The following NEDD4L variants were observed in gnomAD, a reference collection of about 807,000 sequenced individuals.
NEDD4L encodes the protein E3 ubiquitin-protein ligase NEDD4-like.
Under a neutral mutation model 148.9 loss-of-function variants are expected in NEDD4L, and 54 were observed. The ratio of observed to expected loss-of-function variants is 0.36; its 90% CI spans 0.29 to 0.45. The LOEUF (loss-of-function observed/expected upper bound fraction) is 0.45. NEDD4L is among the 20% of genes least tolerant of loss of function. NEDD4L has a pLI of 1.00. For missense variants in NEDD4L, 856 were observed against 1,233.8 expected, an observed-to-expected ratio of 0.69 and a Z score of 4.59; for synonymous variants, 433 against 440.7, an observed-to-expected ratio of 0.98 and a Z score of 0.22.
intron 5 of NEDD4L, among the ~76,000 whole-genome samples, chr18:58,312,052 C>T (rs2057760321): frequency 6.6e-6 from 1 of 152,202 alleles, no homozygotes; most frequent in African/African-American, 2.4e-5. Context: ...CGCACAAGCT[C>T]TAAAGGACAC....
At chr18:58,214,302 A>C (rs529373368) in intron 2 of NEDD4L, among the ~76,000 whole-genome samples, 3 of 152,330 alleles carry the variant, frequency 2.0e-5, no homozygotes, top group African/African-American at 7.2e-5. Context: ...CTTTCAACCC[A>C]AGCCCATCCC....
intron 1 of NEDD4L, among the ~76,000 whole-genome samples, chr18:58,141,483 GTTTT>G (rs908057124): frequency 1.3e-5 from 2 of 151,612 alleles, no homozygotes; most frequent in African/African-American, 2.4e-5. Context: ...CAATTTTTGG[GTTTT>G]TTTTGTTTTT....
chr18:58,383,373 G>C, intron 25 of NEDD4L, 54 bp downstream of exon 25: 2 of 998,214 alleles, frequency 2.0e-6, no homozygotes, highest in Admixed American at 4.1e-5. Context: ...ATGCATGTTT[G>C]GTCACTGTCC....
chr18:58,392,921 G>T (rs923305625), intron 30 of NEDD4L, among the ~76,000 whole-genome samples: 5 of 152,138 alleles, frequency 3.3e-5, no homozygotes, highest in African/African-American at 1.2e-4. Flanking sequence ...AATCTTTATG[G>T]CAGCCTTATG....
At chr18:58,202,566 A>G (rs1434697782) in intron 2 of NEDD4L, among the ~76,000 whole-genome samples, 2 of 152,218 alleles carry the variant, frequency 1.3e-5, no homozygotes, top group Non-Finnish European at 2.9e-5. Flanking sequence ...AACAGGGATG[A>G]TGCAGTTCCT....
At chr18:58,122,705 C>A (rs1038219195) in intron 1 of NEDD4L, among the ~76,000 whole-genome samples, 3 of 152,070 alleles carry the variant, frequency 2.0e-5, no homozygotes, top group Non-Finnish European at 4.4e-5. Context: ...GTGGTGTCCA[C>A]CCATCCCACT....
chr18:58,293,826 A>G (rs543528920), intron 5 of NEDD4L, among the ~76,000 whole-genome samples: 1 of 152,190 alleles, frequency 6.6e-6, no homozygotes, highest in East Asian at 1.9e-4. Context: ...GGGCTCAAGC[A>G]ATCCTCCCAC....
chr18:58,277,205 G>T (rs1351549763), intron 5 of NEDD4L, among the ~76,000 whole-genome samples: 1 of 151,298 alleles, frequency 6.6e-6, no homozygotes, highest in Admixed American at 6.6e-5. Context: ...TTTGATCTTT[G>T]TACCCCATGG....
At chr18:58,258,603 A>T (rs1241244671) in intron 5 of NEDD4L, among the ~76,000 whole-genome samples, 1 of 152,244 alleles carries the variant, frequency 6.6e-6, no homozygotes, top group Non-Finnish European at 1.5e-5. Context: ...AAGTTTCTAC[A>T]CATTTGGAGA....
intron 2 of NEDD4L, among the ~76,000 whole-genome samples, chr18:58,201,085 C>T (rs975281772): frequency 6.6e-6 from 1 of 152,206 alleles, no homozygotes; most frequent in African/African-American, 2.4e-5. Context: ...GTAATCCCAG[C>T]ACTTTGGGAG....
intron 1 of NEDD4L, among the ~76,000 whole-genome samples, chr18:58,159,269 C>G (rs1169788131): frequency 6.6e-6 from 1 of 151,704 alleles, no homozygotes; most frequent in Non-Finnish European, 1.5e-5. Flanking sequence ...AGGCAGAGCA[C>G]CGAGGATTTT....
At chr18:58,375,870 C>CT (rs563399864) in intron 24 of NEDD4L, among the ~76,000 whole-genome samples, 221 of 152,170 alleles carry the variant, frequency 1.5e-3, no homozygotes, top group African/African-American at 5.2e-3. Flanking sequence ...GTCTTGGTGG[C>CT]TTTTTTTAAA....
At chr18:58,213,756 TG>T (rs1385811446) in intron 2 of NEDD4L, among the ~76,000 whole-genome samples, 10 of 152,052 alleles carry the variant, frequency 6.6e-5, no homozygotes, top group African/African-American at 1.9e-4. Flanking sequence ...TTGTTGTTGT[TG>T]TTTTTTTTTT....
intron 1 of NEDD4L, among the ~76,000 whole-genome samples, chr18:58,145,111 G>C (rs2033965478): frequency 6.6e-6 from 1 of 152,118 alleles, no homozygotes; most frequent in African/African-American, 2.4e-5. Flanking sequence ...GACGACATCG[G>C]ACCCCACTGC....
chr18:58,316,081 T>A (rs763242448), intron 6 of NEDD4L, 49 bp downstream of exon 6: 30 of 1,448,358 alleles, frequency 2.1e-5, no homozygotes, highest in Admixed American at 6.9e-5. Context: ...CGGGGGTTTC[T>A]AATTGTTTGT....
intron 1 of NEDD4L, among the ~76,000 whole-genome samples, chr18:58,133,031 G>A (rs2032370971): frequency 6.6e-6 from 1 of 152,162 alleles, no homozygotes; most frequent in South Asian, 2.1e-4. Flanking sequence ...TTTCTCTGCA[G>A]ATTTCAGTTA....
intron 1 of NEDD4L, among the ~76,000 whole-genome samples, chr18:58,084,671 T>TTGTGTGGGTGGG (rs372571146): frequency 2.7e-3 from 356 of 133,822 alleles, no homozygotes; most frequent in Non-Finnish European, 4.5e-3. Flanking sequence ...TGTGGGGTTT[T>TTGTGTGGGTGGG]TGTGTGTGTG....
At chr18:58,392,285 G>C (rs1268586483) in intron 30 of NEDD4L, among the ~76,000 whole-genome samples, 1 of 152,224 alleles carries the variant, frequency 6.6e-6, no homozygotes, top group Non-Finnish European at 1.5e-5. Context: ...TGCTCCTGAG[G>C]AAGCAGCAGA....
chr18:58,243,099 A>G (rs1487368291), intron 2 of NEDD4L, among the ~76,000 whole-genome samples: 1 of 152,244 alleles, frequency 6.6e-6, no homozygotes, highest in African/African-American at 2.4e-5. Flanking sequence ...ACTGAGGTAA[A>G]TGAACCACCA....
Sources: allele counts gnomAD v4.1 joint callset (sites outside exome capture counted in the v4.1 genomes callset), GRCh38; gene constraint gnomAD v4.1.1; transcripts MANE v1.5; gene names NCBI Gene and HGNC (gene_info 2026-07-23, HGNC 2026-07-21).